PDE12: variants seen among roughly 807,000 people sequenced by gnomAD.
PDE12 encodes the protein 2',5'-phosphodiesterase 12.
PDE12 carries 26 observed loss-of-function variants against 45.4 expected under a neutral mutation model. The ratio of observed to expected loss-of-function variants is 0.57; its 90% confidence interval spans 0.42 to 0.79. PDE12 has a LOEUF of 0.79. PDE12 is among the 30% of genes least tolerant of loss of function. The pLI is 0.00. For missense variants in PDE12, 668 were observed against 790.0 expected, an observed-to-expected ratio of 0.85 and a Z score of 1.85; for synonymous variants, 283 against 323.9, an observed-to-expected ratio of 0.87 and a Z score of 1.36.
chr3:57,654,658 A>G, the PDE12 span: 1 of 985,142 alleles, frequency 1.0e-6, no homozygotes, highest in Admixed American at 6.1e-5. Context: ...CACCTCAAAA[A>G]CAGAATGAGG....
Position 57,566,783 on chromosome 3 carries a change from A to G in PDE12, c.*6779A>G, listed in dbSNP as rs2069789700. The G allele has an allele frequency of 6.6e-6, 1 of 152,134 alleles. No individual in the cohort carries two copies. The highest frequency in any genetic ancestry group is 1.5e-5 in the Non-Finnish European group (1 of 68,010). 9.4% of individuals were successfully genotyped at this position (152,134 alleles called of 1,614,324 possible). A position where few individuals can be genotyped will look rare whatever the true frequency, so the allele number is the denominator to read the frequency against. On this transcript the variant is annotated 3_prime_UTR_variant, in exon 3 of 3. Transcript: ENST00000311180. The stretch of plus-strand genomic sequence containing the variant: ...AAATGTCTTTTGAAATACTTTGCCC[A>G]TTTAAAAATGTTATTTGTTGTTTAG...
Position 57,560,080 on chromosome 3 carries a change from A to T in PDE12, c.*76A>T, listed in dbSNP as rs1030564907. 6.0e-6 allele frequency: 9 copies of T among 1,511,900 alleles called. No individual in the cohort carries two copies. The African/African-American group carries it at 1.3e-4, about 21-fold the overall frequency. 93.7% of individuals were successfully genotyped at this position (1,511,900 alleles called of 1,614,324 possible). A position where few individuals can be genotyped will look rare whatever the true frequency, so the allele number is the denominator to read the frequency against. The stretch of plus-strand genomic sequence containing the variant: ...GAAAATTTAATATGAATCAAAGCTT[A>T]TATGTAAACTTCAAGGAGGAATGGT... On this transcript the variant is annotated 3_prime_UTR_variant, in exon 3 of 3. Transcript: ENST00000311180.
the PDE12 span, among the ~76,000 whole-genome samples, chr3:57,586,710 A>C: frequency 3.9e-5 from 6 of 152,326 alleles, no homozygotes; most frequent in African/African-American, 1.4e-4. Context: ...TTATCAAAAA[A>C]ATCAGAAAAC....
chr3:57,643,901 A>G, the PDE12 span, among the ~76,000 whole-genome samples: 5 of 151,744 alleles, frequency 3.3e-5, no homozygotes, highest in South Asian at 2.1e-4. Context: ...TGTAATCCCA[A>G]CACTTTTGGG....
chr3:57,614,544 G>GTTTTTTT, the PDE12 span, among the ~76,000 whole-genome samples: 32 of 121,290 alleles, frequency 2.6e-4, no homozygotes, highest in Non-Finnish European at 3.6e-4. Flanking sequence ...TTTGTTTTTT[G>GTTTTTTT]TTTTTTTTTT....
the PDE12 span, among the ~76,000 whole-genome samples, chr3:57,619,776 G>C: frequency 6.6e-6 from 1 of 151,834 alleles, no homozygotes; most frequent in Non-Finnish European, 1.5e-5. Context: ...CTTAAACCCG[G>C]GAGGCAGAGG....
chr3:57,646,587 G>A, the PDE12 span: 5 of 1,187,154 alleles, frequency 4.2e-6, no homozygotes, highest in Admixed American at 6.5e-5. Context: ...TTTAGAATAT[G>A]GTGATGTATA....
chr3:57,561,190 T>C lies in PDE12; in HGVS notation c.*1186T>C. ...CATAAATGAACAGGGTATTTGACCA[T>C]ATGATATTAGAAAATACAGCACATT... On this transcript the variant is annotated 3_prime_UTR_variant, in exon 3 of 3. Transcript: ENST00000311180. 2 of 984,192 alleles carry C rather than the reference T, an allele frequency of 2.0e-6. No homozygotes were observed. Among genetic ancestry groups the C allele is most frequent in the Non-Finnish European group, 2.4e-6 (2 of 828,400 alleles). 61.0% of individuals were successfully genotyped at this position (984,192 alleles called of 1,614,324 possible).
At chr3:57,631,964 C>A in the PDE12 span, among the ~76,000 whole-genome samples, 1 of 132,104 alleles carries the variant, frequency 7.6e-6, no homozygotes, top group African/African-American at 2.8e-5. Flanking sequence ...CCTCGTGATC[C>A]GCCCGCCTCG....
At chr3:57,579,738 A>G in the PDE12 span, among the ~76,000 whole-genome samples, 1 of 152,170 alleles carries the variant, frequency 6.6e-6, no homozygotes, top group Non-Finnish European at 1.5e-5. Flanking sequence ...GTTGGAAACC[A>G]TAACTTAATT....
the PDE12 span, chr3:57,619,552 G>C: frequency 6.6e-6 from 1 of 151,986 alleles, no homozygotes; most frequent in South Asian, 2.1e-4. Context: ...CCTACTTCGT[G>C]GCATCTAACC....
chr3:57,649,702 T>A, the PDE12 span, among the ~76,000 whole-genome samples: 1 of 151,970 alleles, frequency 6.6e-6, no homozygotes, highest in East Asian at 1.9e-4. Flanking sequence ...CTAATACTTT[T>A]CTCATCTCCC....
chr3:57,630,840 T>C, the PDE12 span: 1 of 1,610,720 alleles, frequency 6.2e-7, no homozygotes, highest in South Asian at 1.1e-5. Context: ...AAACAGGACA[T>C]ATAATATTTA....
chr3:57,629,859 A>G, the PDE12 span, among the ~76,000 whole-genome samples: 62 of 152,274 alleles, frequency 4.1e-4, no homozygotes, highest in African/African-American at 1.4e-3. Flanking sequence ...TAACTAAAAA[A>G]GGTAAATACA....
At chr3:57,584,349 T>C in the PDE12 span, 1 of 1,476,594 alleles carries the variant, frequency 6.8e-7, no homozygotes, top group South Asian at 1.2e-5. Context: ...CTTTACAACA[T>C]ATCATGATAT....
At chr3:57,646,404 G>T in the PDE12 span, 2 of 1,613,844 alleles carry the variant, frequency 1.2e-6, no homozygotes, top group East Asian at 2.2e-5. Context: ...AGCTCCCAGA[G>T]CATCTGACTA....
the PDE12 span, among the ~76,000 whole-genome samples, chr3:57,604,124 T>G: frequency 6.6e-6 from 1 of 151,358 alleles, no homozygotes; most frequent in Non-Finnish European, 1.5e-5. Flanking sequence ...GGGTTTCACC[T>G]TATTGGCCAG....
At chr3:57,577,138 A>C in the PDE12 span, among the ~76,000 whole-genome samples, 1 of 151,966 alleles carries the variant, frequency 6.6e-6, no homozygotes, top group Non-Finnish European at 1.5e-5. Context: ...AAAACGCTCT[A>C]TAAGAGATTT....
chr3:57,601,701 A>G, the PDE12 span, among the ~76,000 whole-genome samples: 1 of 150,958 alleles, frequency 6.6e-6, no homozygotes, highest in Non-Finnish European at 1.5e-5. Context: ...TTAGAATGCA[A>G]GCTTATTAAG....
Sources: gnomAD v4.1 joint callset for allele counts (sites outside exome capture counted in the v4.1 genomes callset) on GRCh38, gnomAD v4.1.1 for gene constraint, MANE v1.5 for transcripts, NCBI Gene and HGNC (gene_info 2026-07-23, HGNC 2026-07-21) for gene names.